Variants in NNT observed in about 807,000 individuals in gnomAD.
NNT encodes NAD(P) transhydrogenase, mitochondrial.
A neutral mutation model predicts 104.8 loss-of-function variants in NNT; 50 were observed. The observed-to-expected ratio is 0.48, with a 90% CI of 0.38 to 0.60. The LOEUF is 0.60. Ranked by LOEUF, NNT falls within the 20% of genes least tolerant of loss-of-function variation. The pLI, the probability that NNT is intolerant of heterozygous loss-of-function variation, is 0.00. For missense variants in NNT, 1,131 were observed against 1,330.7 expected (o/e 0.85, Z 2.33); for synonymous variants, 461 against 490.4 (o/e 0.94, Z 0.79).
intron 5 of NNT, among the ~76,000 whole-genome samples, chr5:43,619,835 G>C (rs1199221684): frequency 6.6e-6 from 1 of 152,112 alleles, no homozygotes; most frequent in Admixed American, 6.6e-5. Flanking sequence ...TTCAAGATTT[G>C]GCAGCTGCAT....
chr5:43,606,771 A>G (rs1467582061), intron 1 of NNT, among the ~76,000 whole-genome samples: 1 of 151,968 alleles, frequency 6.6e-6, no homozygotes, highest in Non-Finnish European at 1.5e-5. Flanking sequence ...TAGTGTTATT[A>G]TTTGTTGACT....
chr5:43,638,486 C>A (rs1033650106), intron 7 of NNT, among the ~76,000 whole-genome samples: 8 of 152,104 alleles, frequency 5.3e-5, no homozygotes, highest in Admixed American at 3.3e-4. Context: ...TCTTTACCTG[C>A]TCTATTTTAC....
chr5:43,698,366 G>A (rs1008555317), intron 19 of NNT, among the ~76,000 whole-genome samples: 2 of 151,896 alleles, frequency 1.3e-5, no homozygotes, highest in Non-Finnish European at 2.9e-5. Flanking sequence ...TGGATTCTCT[G>A]CTTTCCTCTC....
chr5:43,661,965 T>A (rs2111985039), intron 17 of NNT, among the ~76,000 whole-genome samples: 1 of 152,296 alleles, frequency 6.6e-6, no homozygotes, highest in East Asian at 1.9e-4. Flanking sequence ...TTTCTAGTTC[T>A]AGATCCCTGA....
rs1271990238 is a variant in NNT, at chr5:43,603,260, G to A, written c.-88G>A. 1.3e-5 allele frequency: 2 copies of A among 152,566 alleles called. No homozygotes were observed. Among genetic ancestry groups the A allele is most frequent in the African/African-American group, 4.8e-5 (2 of 41,468 alleles). The allele number at this position is 152,566 out of a possible 1,614,324, so 9.5% of individuals were successfully genotyped here. On this transcript the variant is annotated 5_prime_UTR_variant, in exon 1 of 22. Transcript: ENST00000344920. The stretch of plus-strand genomic sequence containing the variant: ...GCGCGACGTCCTCTCGCGGCCCTCA[G>A]GGCACAGCCCAAGGCTGTCAGCCTC...
At chr5:43,697,326 A>G (rs1187000086) in intron 19 of NNT, among the ~76,000 whole-genome samples, 1 of 152,150 alleles carries the variant, frequency 6.6e-6, no homozygotes, top group Non-Finnish European at 1.5e-5. Flanking sequence ...AGTTCCCAAC[A>G]AGTTCCTCAT....
intron 7 of NNT, among the ~76,000 whole-genome samples, chr5:43,637,727 A>G (rs368986769): frequency 6.6e-6 from 1 of 152,188 alleles, no homozygotes; most frequent in African/African-American, 2.4e-5. Context: ...TGAAGAGCAA[A>G]AAGAAGGAAA....
chr5:43,616,293 G>T (rs756641679), intron 4 of NNT, among the ~76,000 whole-genome samples: 14 of 152,288 alleles, frequency 9.2e-5, no homozygotes, highest in Non-Finnish European at 1.8e-4. Context: ...TAGAAGAGTA[G>T]TAATGTTTCC....
intron 1 of NNT, among the ~76,000 whole-genome samples, chr5:43,606,122 A>G (rs1749215163): frequency 6.6e-6 from 1 of 152,164 alleles, no homozygotes; most frequent in Non-Finnish European, 1.5e-5. Context: ...AGTGAGTGGC[A>G]GATTTGGACA....
Position 43,644,822 on chromosome 5 carries a change from C to T in NNT, c.1290+20C>T. On this transcript the variant is annotated intron_variant, in intron 9 of 21. Coordinates refer to ENST00000344920, the MANE Select transcript of NNT (RefSeq NM_182977.3). ...ATGAAAGTAAGTAAAGAGATCTATTCCTTCCTTTGCTTTTAATGTAAATTT... is the reference window on the plus strand; with the variant it reads ...ATGAAAGTAAGTAAAGAGATCTATTTCTTCCTTTGCTTTTAATGTAAATTT... 6.5e-7 allele frequency: 1 copy of T among 1,538,322 alleles called. No homozygotes were observed. Among genetic ancestry groups the T allele is most frequent in the East Asian group, 2.3e-5 (1 of 44,058 alleles).
chr5:43,635,099 A>T (rs1037373048), intron 7 of NNT, among the ~76,000 whole-genome samples: 4 of 151,874 alleles, frequency 2.6e-5, no homozygotes, highest in Admixed American at 1.3e-4. Flanking sequence ...CCTTCCTTCC[A>T]TTTTCCTTAT....
chr5:43,668,787 T>G (rs1740866837), intron 17 of NNT, among the ~76,000 whole-genome samples: 1 of 152,196 alleles, frequency 6.6e-6, no homozygotes, highest in Non-Finnish European at 1.5e-5. Flanking sequence ...CCATATGAAC[T>G]TTAAAGTAGT....
intron 15 of NNT, 32 bp from the exon 16 acceptor site, chr5:43,656,621 C>A: frequency 1.3e-6 from 2 of 1,561,284 alleles, no homozygotes; most frequent in South Asian, 1.2e-5. Context: ...ACAACACATT[C>A]TGAATTGTAA....
chr5:43,611,409 C>T (rs1054602588), intron 2 of NNT, among the ~76,000 whole-genome samples: 1 of 152,160 alleles, frequency 6.6e-6, no homozygotes, highest in Non-Finnish European at 1.5e-5. Flanking sequence ...GACATGGCTT[C>T]AGTCATCTTT....
Position 43,698,355 on chromosome 5 carries a change from C to G in NNT, c.2877-1764C>G, listed in dbSNP as rs528329165. On this transcript the variant is annotated intron_variant, in intron 19 of 21. Transcript: ENST00000344920. ...CTTACCATGCCTGTGTGGGTTTTCT[C>G]TGGATTCTCTGCTTTCCTCTCATAT... Among the ~76,000 whole-genome samples, 9 of 151,984 alleles carry G rather than the reference C, an allele frequency of 5.9e-5. No individual in the cohort carries two copies. The South Asian group carries it at 1.9e-3, about 32-fold the overall frequency.
Position 43,644,650 on chromosome 5 carries a change from A to T in NNT, c.1138A>T (p.Met380Leu). The change falls in exon 9 of 22, where the codon ATG becomes TTG. Residue 380 changes from methionine to leucine, a missense_variant. Physicochemically the swap from Met to Leu is conservative, Grantham distance 15. Coordinates refer to ENST00000344920, the MANE Select transcript of NNT (RefSeq NM_182977.3). ...AGGCTACACAGACCTGCCCAGCCGA[A>T]TGGCCACTCAGGCCAGCACCCTATA... Reference protein sequence around the residue: ...HIGYTDLPSRMATQASTLYSN... With the variant: ...HIGYTDLPSRLATQASTLYSN... The T allele has an allele frequency of 6.2e-7, 1 of 1,614,142 alleles. No individual in the cohort carries two copies. Among genetic ancestry groups the T allele is most frequent in the Non-Finnish European group, 8.5e-7 (1 of 1,179,998 alleles).
chr5:43,653,194 G>C lies in NNT; in HGVS notation c.2040G>C (p.Met680Ile). Reference protein sequence around the residue: ...PELLAQMSGAMALGGTIGLTI... With the variant: ...PELLAQMSGAIALGGTIGLTI... ...TACTAGCTCAGATGTCTGGAGCGAT[G>C]GCTTTGGGTGGTACCATTGGTAAGC... is the stretch of plus-strand genomic sequence containing the variant. The change falls in exon 14 of 22, where the codon ATG becomes ATC. Residue 680 changes from methionine to isoleucine, a missense_variant. Transcript: ENST00000344920. 2 of 1,613,878 alleles carry C rather than the reference G, an allele frequency of 1.2e-6. No homozygotes were observed. The highest frequency in any genetic ancestry group is 1.7e-6 in the Non-Finnish European group (2 of 1,179,870).
At chr5:43,615,741 T>G (rs1239486344) in intron 3 of NNT, 107 bp from the exon 4 acceptor site, 5 of 839,758 alleles carry the variant, frequency 6.0e-6, no homozygotes, top group Non-Finnish European at 7.4e-6. Flanking sequence ...AAGATTTATT[T>G]CTGGAGTATT....
chr5:43,611,393 C>A (rs1018974068), intron 2 of NNT, among the ~76,000 whole-genome samples: 9 of 152,090 alleles, frequency 5.9e-5, no homozygotes, highest in African/African-American at 2.2e-4. Flanking sequence ...GCTTCTAAAT[C>A]CTTTTGACAT....
Sources: gnomAD v4.1 joint callset for allele counts (sites outside exome capture counted in the v4.1 genomes callset) on GRCh38, gnomAD v4.1.1 for gene constraint, MANE v1.5 for transcripts, NCBI Gene and HGNC (gene_info 2026-07-23, HGNC 2026-07-21) for gene names.